The following CHLSN variants were observed in gnomAD, a reference collection of about 807,000 sequenced individuals.
CHLSN encodes the protein cholesin, also known as protein cholesin.
the CHLSN span, chr7:987,484 C>T: frequency 1.1e-5 from 17 of 1,551,430 alleles, no homozygotes; most frequent in East Asian, 4.8e-5. Context: ...GCACGTGCCC[C>T]GCTGCACCGC....
the CHLSN span, among the ~76,000 whole-genome samples, chr7:1,114,262 G>A: frequency 2.6e-5 from 4 of 152,248 alleles, no homozygotes; most frequent in Admixed American, 6.5e-5. Context: ...GGTAGGAGAC[G>A]CAGAACTGGA....
At chr7:997,594 T>C in the CHLSN span, 1 of 1,490,960 alleles carries the variant, frequency 6.7e-7, no homozygotes, top group Non-Finnish European at 8.9e-7. Context: ...AGCCCTGCAC[T>C]GGGCAGCGGC....
At chr7:1,035,378 C>T in the CHLSN span, among the ~76,000 whole-genome samples, 15 of 152,246 alleles carry the variant, frequency 9.9e-5, no homozygotes, top group Admixed American at 9.8e-4. Flanking sequence ...TGAGCGTAAA[C>T]CCAGTAATGG....
At chr7:992,522 C>T in the CHLSN span, among the ~76,000 whole-genome samples, 2 of 152,244 alleles carry the variant, frequency 1.3e-5, no homozygotes, top group African/African-American at 4.8e-5. Flanking sequence ...GCCACGCCAC[C>T]GCTCAACCAC....
the CHLSN span, among the ~76,000 whole-genome samples, chr7:1,107,368 C>A: frequency 6.6e-6 from 1 of 152,100 alleles, no homozygotes; most frequent in Non-Finnish European, 1.5e-5. Flanking sequence ...TGCCATTTAC[C>A]AAGAACCCAC....
chr7:1,127,133 G>C, the CHLSN span: 2 of 1,131,334 alleles, frequency 1.8e-6, no homozygotes, highest in Non-Finnish European at 1.2e-6. Flanking sequence ...GCCCCACCAC[G>C]CCTCCGCACC....
chr7:1,081,595 G>A, the CHLSN span, among the ~76,000 whole-genome samples: 15 of 152,366 alleles, frequency 9.8e-5, no homozygotes, highest in East Asian at 2.1e-3. Flanking sequence ...TCACGCTTAC[G>A]TCGTTTGGTA....
the CHLSN span, among the ~76,000 whole-genome samples, chr7:985,898 G>C: frequency 6.6e-6 from 1 of 152,192 alleles, no homozygotes; most frequent in Admixed American, 6.5e-5. Flanking sequence ...AGGCAGGGCC[G>C]TGATGGGAGT....
At chr7:987,334 C>T in the CHLSN span, 1 of 1,566,374 alleles carries the variant, frequency 6.4e-7, no homozygotes, top group East Asian at 2.3e-5. Flanking sequence ...AAGCGGCCCA[C>T]CCTTTGCCCC....
the CHLSN span, among the ~76,000 whole-genome samples, chr7:1,065,620 C>T: frequency 1.3e-5 from 2 of 152,208 alleles, no homozygotes; most frequent in Non-Finnish European, 2.9e-5. Context: ...ACCCACCTCA[C>T]CAGCGACACA....
At chr7:1,041,374 G>A in the CHLSN span, among the ~76,000 whole-genome samples, 2 of 134,970 alleles carry the variant, frequency 1.5e-5, no homozygotes. Context: ...GGTCCGCGCT[G>A]CAGGGGAACG....
At chr7:997,229 G>T in the CHLSN span, 1,495 of 167,848 alleles carry the variant, frequency 8.9e-3, 18 homozygotes, top group African/African-American at 0.033. Flanking sequence ...GAAGGTGCAG[G>T]TTTGCAGCTG....
the CHLSN span, among the ~76,000 whole-genome samples, chr7:998,114 CG>C: frequency 6.6e-6 from 1 of 152,162 alleles, no homozygotes; most frequent in Non-Finnish European, 1.5e-5. Context: ...CAGGGGTAGG[CG>C]GTGATGAAAG....
chr7:993,569 G>A, the CHLSN span, among the ~76,000 whole-genome samples: 1 of 152,184 alleles, frequency 6.6e-6, no homozygotes, highest in South Asian at 2.1e-4. Flanking sequence ...GAGCCCAGGA[G>A]TTTGGGACCA....
chr7:1,072,889 G>T, the CHLSN span, among the ~76,000 whole-genome samples: 3 of 151,972 alleles, frequency 2.0e-5, no homozygotes, highest in African/African-American at 7.3e-5. Flanking sequence ...TCACCATGTT[G>T]GCCAGGCTGG....
chr7:1,033,091 G>T, the CHLSN span, among the ~76,000 whole-genome samples: 1 of 152,226 alleles, frequency 6.6e-6, no homozygotes, highest in Non-Finnish European at 1.5e-5. Context: ...GCCCAGCTCG[G>T]TCTGTGAAGC....
the CHLSN span, chr7:1,138,254 C>A: frequency 1.3e-5 from 2 of 152,388 alleles, no homozygotes; most frequent in East Asian, 3.9e-4. Context: ...CGCCGCCTTC[C>A]GGCAGGGACC....
the CHLSN span, among the ~76,000 whole-genome samples, chr7:1,055,811 A>G: frequency 2.0e-5 from 3 of 152,130 alleles, no homozygotes; most frequent in African/African-American, 7.2e-5. Context: ...GACCCTGGAC[A>G]GATCCGGGGG....
chr7:1,013,322 CA>C, the CHLSN span, among the ~76,000 whole-genome samples: 1 of 152,364 alleles, frequency 6.6e-6, no homozygotes, highest in Non-Finnish European at 1.5e-5. Flanking sequence ...ATAGAGCTCC[CA>C]AAGTTGCCCC....
Sources: gnomAD v4.1 joint callset for allele counts (sites outside exome capture counted in the v4.1 genomes callset) on GRCh38, gnomAD v4.1.1 for gene constraint, MANE v1.5 for transcripts, NCBI Gene and HGNC (gene_info 2026-07-23, HGNC 2026-07-21) for gene names.